DOK7: variants seen among roughly 807,000 people sequenced by gnomAD.
DOK7 encodes the protein docking protein 7.
DOK7 carries 32 observed loss-of-function variants against 30.7 expected under a neutral mutation model. The ratio of observed to expected loss-of-function variants is 1.04; its 90% CI spans 0.79 to 1.40. The LOEUF (loss-of-function observed/expected upper bound fraction) is 1.40. Among genes scored for constraint, DOK7 ranks in the 40% most tolerant of loss-of-function variants. The probability of loss-of-function intolerance (pLI) is 0.00; values close to 1 mark genes in which losing one functional copy is unlikely to be tolerated. For missense variants in DOK7, 1,007 were observed against 699.2 expected (o/e 1.44, Z -4.97); for synonymous variants, 447 against 324.1 (o/e 1.38, Z -4.07).
chr4:3,468,390 G>A (rs1726458367), intron 2 of DOK7, among the ~76,000 whole-genome samples: 1 of 151,948 alleles, frequency 6.6e-6, no homozygotes, highest in African/African-American at 2.4e-5. Flanking sequence ...GTGTGTGCCG[G>A]TGTCTGCATG....
rs1490323969 is a variant in DOK7 at position 3,494,345 on chromosome 4, TC to T, written c.*846del. On this transcript the variant is annotated 3_prime_UTR_variant, in exon 7 of 7. Transcript: ENST00000340083. ...CCATTGTCCCCCGCCCTGGGTGGCTTCCTCTTGCACAGCCTGGAGCCTGCCC... is the reference window on the plus strand; with the variant it reads ...CCATTGTCCCCCGCCCTGGGTGGCTTCTCTTGCACAGCCTGGAGCCTGCCC... The T allele has an allele frequency of 1.0e-6, 1 of 985,624 alleles. No homozygotes were observed. Among genetic ancestry groups the T allele is most frequent in the Non-Finnish European group, 1.2e-6 (1 of 830,210 alleles). The allele number at this position is 985,624 out of a possible 1,614,324, so 61.1% of individuals were successfully genotyped here. A position where few individuals can be genotyped will look rare whatever the true frequency, so the allele number is the denominator to read the frequency against.
At position 3,494,012 on chromosome 4, in the gene DOK7, C is replaced by T. The variant is rs115237552; in HGVS notation, c.*511C>T. Reference sequence around the variant, plus strand: ...GCCCAGCCCCCCTGGGCTCCGTGTGCGCTGGGCCTCATCCCCATCTATGGG... The same window carrying T: ...GCCCAGCCCCCCTGGGCTCCGTGTGTGCTGGGCCTCATCCCCATCTATGGG... On this transcript the variant is annotated 3_prime_UTR_variant, in exon 7 of 7. Coordinates refer to ENST00000340083, the MANE Select transcript of DOK7 (RefSeq NM_173660.5). 2,465 of 992,308 alleles carry T rather than the reference C, an allele frequency of 2.5e-3. 49 individuals carry two copies. In the African/African-American group the frequency reaches 0.04, roughly 16 times the overall value. The allele number at this position is 992,308 out of a possible 1,614,324, so 61.5% of individuals were successfully genotyped here.
intron 4 of DOK7, among the ~76,000 whole-genome samples, chr4:3,479,639 C>T (rs1018833401): frequency 1.3e-5 from 2 of 152,160 alleles, no homozygotes; most frequent in Non-Finnish European, 2.9e-5. Context: ...GAGAGGGTGA[C>T]CCTGGCCCAA....
chr4:3,488,294 C>T (rs922628553), intron 5 of DOK7, among the ~76,000 whole-genome samples: 4 of 152,230 alleles, frequency 2.6e-5, no homozygotes, highest in African/African-American at 9.6e-5. Flanking sequence ...TGTGAGCTCT[C>T]ACCTGCCCGT....
intron 4 of DOK7, chr4:3,484,598 G>A (rs1260101327): frequency 4.1e-6 from 4 of 985,358 alleles, no homozygotes; most frequent in Non-Finnish European, 3.6e-6. Flanking sequence ...CAGCGCCCCC[G>A]TGACTCGCAG....
chr4:3,464,397 C>T lies in DOK7; in HGVS notation c.100+846C>T, dbSNP rs144404164. Among the ~76,000 whole-genome samples, 155 of 152,290 alleles carry T rather than the reference C, an allele frequency of 1.0e-3. 1 individual carries two copies. The highest frequency in any genetic ancestry group is 3.2e-3 in the African/African-American group (134 of 41,572). On this transcript the variant is annotated intron_variant, in intron 2 of 6. Transcript: ENST00000340083. ...GAGGAAAGCACTTCCTGCCTGCCTC[C>T]GCCTCCCCTTGCAGGGCCTGGACTG... is the stretch of plus-strand genomic sequence containing the variant.
intron 3 of DOK7, among the ~76,000 whole-genome samples, chr4:3,475,081 G>T (rs75456366): frequency 0.12 from 18,956 of 152,246 alleles, 1,251 homozygotes; most frequent in East Asian, 0.23. Context: ...AGCCCCTCCT[G>T]CTCCATTGAG....
intron 4 of DOK7, among the ~76,000 whole-genome samples, chr4:3,484,050 T>C (rs1035790288): frequency 8.5e-5 from 13 of 152,276 alleles, no homozygotes; most frequent in Non-Finnish European, 1.6e-4. Flanking sequence ...GGAAGCTCTA[T>C]CGGGCCAGAA....
In DOK7 at chr4:3,485,621, C is replaced by A. The variant is rs553239093; in HGVS notation, c.615C>A (p.Pro205=). Residue 205 remains proline, a synonymous_variant, in exon 5 of 7, where the codon CCC becomes CCA. Transcript: ENST00000340083. Reference sequence around the variant, plus strand: ...ACTGCATCGTCCGAGGCATCTCCCCCACCAAGGGCCCCTTTGGGCTGCGGC... The same window carrying A: ...ACTGCATCGTCCGAGGCATCTCCCCAACCAAGGGCCCCTTTGGGCTGCGGC... The part of the protein sequence containing the change: ...LFDCIVRGIS[P]TKGPFGLRPV... The A allele has an allele frequency of 1.6e-5, 26 of 1,606,264 alleles. No homozygotes were observed. The highest frequency in any genetic ancestry group is 1.1e-4 in the East Asian group (5 of 44,270).
chr4:3,487,725 C>A (rs772735172), intron 5 of DOK7, among the ~76,000 whole-genome samples: 32 of 152,326 alleles, frequency 2.1e-4, no homozygotes, highest in Middle Eastern at 3.4e-3. Context: ...TGCTGGCCCA[C>A]CAGTTACTGG....
Position 3,494,115 on chromosome 4 carries a change from T to C in DOK7, c.*614T>C, listed in dbSNP as rs983236073. The C allele has an allele frequency of 4.1e-6, 4 of 985,812 alleles. No homozygotes were observed. The highest frequency in any genetic ancestry group is 3.6e-6 in the Non-Finnish European group (3 of 830,224). 61.1% of individuals were successfully genotyped at this position (985,812 alleles called of 1,614,324 possible). ...GCCCCACTGTTCCCCAGTGAAGCCCTTGTGGGAAGGTTCCGGGAGCAGGTG... is the reference window on the plus strand; with the variant it reads ...GCCCCACTGTTCCCCAGTGAAGCCCCTGTGGGAAGGTTCCGGGAGCAGGTG... On this transcript the variant is annotated 3_prime_UTR_variant, in exon 7 of 7. Coordinates refer to ENST00000340083, the MANE Select transcript of DOK7 (RefSeq NM_173660.5).
intron 6 of DOK7, among the ~76,000 whole-genome samples, chr4:3,490,894 T>G (rs1201357379): frequency 8.4e-6 from 1 of 119,320 alleles, no homozygotes; most frequent in East Asian, 2.8e-4. Context: ...GCTCATTAAT[T>G]TCTTCCTTCT....
chr4:3,484,645 G>T, intron 4 of DOK7: 1 of 985,518 alleles, frequency 1.0e-6, no homozygotes, highest in Non-Finnish European at 1.2e-6. Flanking sequence ...GCATCGCTCT[G>T]CCAGTGACGC....
Position 3,485,639 on chromosome 4 carries a change from G to C in DOK7, c.633G>C (p.Gly211=). The C allele has an allele frequency of 6.2e-7, 1 of 1,601,386 alleles. No individual in the cohort carries two copies. Among genetic ancestry groups the C allele is most frequent in the Non-Finnish European group, 8.5e-7 (1 of 1,173,610 alleles). The part of the protein sequence containing the change: ...RGISPTKGPF[G]LRPVLPDPSP... Reference sequence around the variant, plus strand: ...TCTCCCCCACCAAGGGCCCCTTTGGGCTGCGGCCGGTTCTACCAGGTGCGT... The same window carrying C: ...TCTCCCCCACCAAGGGCCCCTTTGGCCTGCGGCCGGTTCTACCAGGTGCGT... The change falls in exon 5 of 7, where the codon GGG becomes GGC. Residue 211 remains glycine (G), a synonymous_variant. Transcript: ENST00000340083.
intron 7 of DOK7, chr4:3,500,448 G>C (rs571416136): frequency 6.5e-7 from 1 of 1,529,836 alleles, no homozygotes; most frequent in South Asian, 1.2e-5. Flanking sequence ...TGGGGGCTGG[G>C]ACCACAGCCT....
chr4:3,485,670 A>G lies in DOK7; in HGVS notation c.652+12A>G. 6.4e-7 allele frequency: 1 copy of G among 1,552,954 alleles called. No homozygotes were observed. Among genetic ancestry groups the G allele is most frequent in the Non-Finnish European group, 8.7e-7 (1 of 1,145,488 alleles). ...GCCGGTTCTACCAGGTGCGTGTGGG[A>G]GCCTGGCCGGCCGGGGAGGGTGCGC... On this transcript the variant is annotated intron_variant, in intron 5 of 6. Coordinates refer to ENST00000340083, the MANE Select transcript of DOK7 (RefSeq NM_173660.5).
downstream of DOK7, among the ~76,000 whole-genome samples, chr4:3,498,357 G>T (rs1003059690): frequency 6.6e-6 from 1 of 152,036 alleles, no homozygotes; most frequent in Non-Finnish European, 1.5e-5. Flanking sequence ...GTGTGACTCC[G>T]GGTGGTGTTG....
In DOK7 at chr4:3,493,135, C is replaced by G; in HGVS notation, c.1149C>G (p.Pro383=). 6.3e-7 allele frequency: 1 copy of G among 1,599,214 alleles called. No homozygotes were observed. Among genetic ancestry groups the G allele is most frequent in the African/African-American group, 1.3e-5 (1 of 74,814 alleles). ...TGCCAGCAGCGGGGGCCCCCGAGCC[C>G]AGCCTGTGCACCTGCCTGCCCGGGA... The part of the protein sequence containing the change: ...LSLPAAGAPE[P]SLCTCLPGTV... The change falls in exon 7 of 7, where the codon CCC becomes CCG. Residue 383 remains proline (P), a synonymous_variant. Coordinates refer to ENST00000340083, the MANE Select transcript of DOK7 (RefSeq NM_173660.5).
rs1423908059 is a variant in DOK7 at position 3,494,323 on chromosome 4, T to C, written c.*822T>C. Reference sequence around the variant, plus strand: ...CGGAGGTGGGGCTGTGTTGGGCCCATTGTCCCCCGCCCTGGGTGGCTTCCT... The same window carrying C: ...CGGAGGTGGGGCTGTGTTGGGCCCACTGTCCCCCGCCCTGGGTGGCTTCCT... On this transcript the variant is annotated 3_prime_UTR_variant, in exon 7 of 7. Transcript: ENST00000340083. The C allele has an allele frequency of 1.0e-6, 1 of 985,756 alleles. No individual in the cohort carries two copies. The highest frequency in any genetic ancestry group is 1.2e-6 in the Non-Finnish European group (1 of 830,194). The allele number at this position is 985,756 out of a possible 1,614,324, so 61.1% of individuals were successfully genotyped here. A position where few individuals can be genotyped will look rare whatever the true frequency, so the allele number is the denominator to read the frequency against.
Sources: gnomAD v4.1 joint callset for allele counts (sites outside exome capture counted in the v4.1 genomes callset) on GRCh38, gnomAD v4.1.1 for gene constraint, MANE v1.5 for transcripts, NCBI Gene and HGNC (gene_info 2026-07-23, HGNC 2026-07-21) for gene names.